STXBP5L: variants seen among roughly 807,000 people sequenced by gnomAD.
STXBP5L encodes syntaxin-binding protein 5-like.
Under a neutral mutation model 144.5 loss-of-function variants are expected in STXBP5L, and 65 were observed. That is an observed-to-expected ratio of 0.45 (90% CI 0.37 to 0.55). The LOEUF is 0.55. Among genes scored for constraint, STXBP5L ranks in the 20% least tolerant of loss-of-function variants. STXBP5L has a pLI of 0.00. For missense variants in STXBP5L, 1,298 were observed against 1,405.5 expected, an observed-to-expected ratio of 0.92 and a Z score of 1.22; for synonymous variants, 505 against 469.6, an observed-to-expected ratio of 1.08 and a Z score of -0.97.
chr3:121,119,885 T>C (rs1311347128), intron 6 of STXBP5L, among the ~76,000 whole-genome samples: 1 of 151,236 alleles, frequency 6.6e-6, no homozygotes, highest in Non-Finnish European at 1.5e-5. Context: ...ATAACGGAAG[T>C]TTAATGTTAG....
At chr3:121,049,645 A>G (rs9877402) in intron 5 of STXBP5L, 15,203 of 154,098 alleles carry the variant, frequency 0.099, 1,186 homozygotes, top group Admixed American at 0.2. Context: ...TCCCAGGCCC[A>G]TGGGTCTTAT....
chr3:121,330,007 A>C (rs1386087675), intron 20 of STXBP5L, among the ~76,000 whole-genome samples: 1 of 152,242 alleles, frequency 6.6e-6, no homozygotes. Flanking sequence ...CTGAATAGCA[A>C]AACACTAATA....
At chr3:121,048,843 G>T (rs1290824083) in intron 5 of STXBP5L, among the ~76,000 whole-genome samples, 9 of 152,248 alleles carry the variant, frequency 5.9e-5, no homozygotes, top group African/African-American at 1.9e-4. Context: ...TGGGAGCCCA[G>T]GTCAAGAGGC....
At chr3:120,946,483 T>G (rs1710861993) in intron 2 of STXBP5L, among the ~76,000 whole-genome samples, 2 of 151,778 alleles carry the variant, frequency 1.3e-5, no homozygotes, top group South Asian at 4.1e-4. Flanking sequence ...GTTCACGATC[T>G]GGTCTAGCCT....
chr3:121,254,090 C>T (rs1045085205), intron 15 of STXBP5L, among the ~76,000 whole-genome samples: 2 of 151,974 alleles, frequency 1.3e-5, no homozygotes, highest in Admixed American at 1.3e-4. Context: ...GAGTTCAGGC[C>T]GGTTATTTTA....
At chr3:121,146,851 A>G (rs2045729546) in intron 7 of STXBP5L, among the ~76,000 whole-genome samples, 1 of 152,098 alleles carries the variant, frequency 6.6e-6, no homozygotes, top group African/African-American at 2.4e-5. Flanking sequence ...CTTACTTTGC[A>G]TGGTACCACG....
chr3:121,058,896 A>T (rs1160384869), intron 5 of STXBP5L, among the ~76,000 whole-genome samples: 1 of 152,150 alleles, frequency 6.6e-6, no homozygotes, highest in African/African-American at 2.4e-5. Context: ...GATAGATTGC[A>T]AAAAATGTTC....
intron 12 of STXBP5L, among the ~76,000 whole-genome samples, chr3:121,238,759 T>C (rs1221073210): frequency 1.3e-5 from 2 of 152,124 alleles, no homozygotes; most frequent in Non-Finnish European, 2.9e-5. Flanking sequence ...AATTTTGAGC[T>C]TGAGTAAAAT....
intron 5 of STXBP5L, among the ~76,000 whole-genome samples, chr3:121,105,462 A>G (rs1033924434): frequency 4.6e-5 from 7 of 150,982 alleles, no homozygotes; most frequent in Non-Finnish European, 8.8e-5. Context: ...AAAATGATCA[A>G]CATCACTAAT....
At chr3:121,082,689 A>G (rs2042308711) in intron 5 of STXBP5L, among the ~76,000 whole-genome samples, 1 of 152,192 alleles carries the variant, frequency 6.6e-6, no homozygotes, top group South Asian at 2.1e-4. Context: ...GTATATATAC[A>G]TTTGTAATCC....
At chr3:121,199,391 TG>T (rs1475021872) in intron 9 of STXBP5L, among the ~76,000 whole-genome samples, 3 of 152,178 alleles carry the variant, frequency 2.0e-5, no homozygotes, top group Non-Finnish European at 4.4e-5. Flanking sequence ...GCTGAGATGA[TG>T]GGGTTTTCTA....
At chr3:121,272,533 G>A (rs1036614862) in intron 18 of STXBP5L, among the ~76,000 whole-genome samples, 2 of 152,026 alleles carry the variant, frequency 1.3e-5, no homozygotes, top group Admixed American at 6.6e-5. Context: ...ATCTCTTGTA[G>A]GCAGCATATA....
At chr3:121,263,166 CCAGGCAAA>C (rs548525706) in intron 18 of STXBP5L, among the ~76,000 whole-genome samples, 1 of 152,154 alleles carries the variant, frequency 6.6e-6, no homozygotes, top group Non-Finnish European at 1.5e-5. Flanking sequence ...CTAGTGATAC[CCAGGCAAA>C]CAGGTTCTGG....
chr3:121,045,152 A>G (rs1041380416), intron 4 of STXBP5L, among the ~76,000 whole-genome samples: 1 of 152,160 alleles, frequency 6.6e-6, no homozygotes, highest in Admixed American at 6.6e-5. Flanking sequence ...AAAACCTTTA[A>G]TGGCCATAAC....
intron 15 of STXBP5L, among the ~76,000 whole-genome samples, chr3:121,252,138 T>C (rs776745902): frequency 2.0e-5 from 3 of 152,108 alleles, no homozygotes; most frequent in African/African-American, 4.8e-5. Context: ...AGCAGGCAGA[T>C]TGCCTGAGCT....
At chr3:120,995,655 G>A (rs1387557984) in intron 3 of STXBP5L, among the ~76,000 whole-genome samples, 1 of 151,294 alleles carries the variant, frequency 6.6e-6, no homozygotes, top group Non-Finnish European at 1.5e-5. Flanking sequence ...CTCTTAGTGA[G>A]GCATGGAAAC....
At chr3:121,275,413 C>A (rs1420336998) in intron 18 of STXBP5L, among the ~76,000 whole-genome samples, 1 of 152,036 alleles carries the variant, frequency 6.6e-6, no homozygotes, top group Non-Finnish European at 1.5e-5. Flanking sequence ...TCTTTAATTT[C>A]TCTCAACAAT....
At chr3:121,203,761 C>T (rs1010478619) in intron 9 of STXBP5L, among the ~76,000 whole-genome samples, 2 of 152,110 alleles carry the variant, frequency 1.3e-5, no homozygotes, top group Non-Finnish European at 2.9e-5. Context: ...TATGTACAAA[C>T]AACTGCAAAT....
chr3:121,038,443 A>G (rs1946910854), intron 3 of STXBP5L, among the ~76,000 whole-genome samples: 1 of 151,988 alleles, frequency 6.6e-6, no homozygotes, highest in Non-Finnish European at 1.5e-5. Context: ...TTCAAATTCA[A>G]TTGTGGTCAG....
Sources: allele counts gnomAD v4.1 joint callset (sites outside exome capture counted in the v4.1 genomes callset), GRCh38; gene constraint gnomAD v4.1.1; transcripts MANE v1.5; gene names NCBI Gene and HGNC (gene_info 2026-07-23, HGNC 2026-07-21).